The following MNS1 variants were observed in gnomAD, a reference collection of about 807,000 sequenced individuals.
MNS1 encodes the protein meiosis specific nuclear structural 1, also known as meiosis-specific nuclear structural protein 1.
A neutral mutation model predicts 72.0 loss-of-function variants in MNS1; 63 were observed. The observed-to-expected ratio is 0.87, with a 90% CI of 0.71 to 1.08. The LOEUF is 1.08. MNS1 is among the 50% of genes least tolerant of loss of function. The pLI, the probability that MNS1 is intolerant of heterozygous loss-of-function variation, is 0.00. For missense variants in MNS1, 604 were observed against 562.4 expected, an observed-to-expected ratio of 1.07 and a Z score of -0.75; for synonymous variants, 188 against 172.1, an observed-to-expected ratio of 1.09 and a Z score of -0.72.
chr15:56,430,359 A>ACCACATCCAGTTAACTTTT (rs1442964448), intron 9 of MNS1, among the ~76,000 whole-genome samples: 4 of 152,050 alleles, frequency 2.6e-5, no homozygotes, highest in African/African-American at 9.7e-5. Context: ...GGCGTGCATC[A>ACCACATCCAGTTAACTTTT]CCACATCCAG....
At position 56,443,524 on chromosome 15, in the gene MNS1, A is replaced by G. The variant is rs754003986; in HGVS notation, c.917T>C (p.Leu306Ser). The change falls in exon 7 of 10, where the codon TTA (leucine) becomes TCA (serine). Residue 306 changes from leucine (L) to serine (S), a missense_variant. Physicochemically the swap from Leu to Ser is moderately radical, Grantham distance 145. Coordinates refer to ENST00000260453, the MANE Select transcript of MNS1 (RefSeq NM_018365.4). ...TTCACGTTGCCGCAGCATTTCTTCT[A>G]ATTTCTGTGTCAACTATTAAATTTT... ...LQLQNALTQK[L>S]EEMLRQREDL... 2.5e-6 allele frequency: 4 copies of G among 1,594,562 alleles called. No individual in the cohort carries two copies. In the East Asian group the frequency reaches 6.7e-5, roughly 27 times the overall value.
intron 4 of MNS1, chr15:56,445,949 A>G (rs1596264032): frequency 6.6e-6 from 1 of 151,992 alleles, no homozygotes; most frequent in East Asian, 1.9e-4. Flanking sequence ...AAGTCTCTCC[A>G]CCTTTTCTTA....
In MNS1 at chr15:56,465,066, C is replaced by A; in HGVS notation, c.-94G>T. 1 of 1,540,144 alleles carries A rather than the reference C, an allele frequency of 6.5e-7. No homozygotes were observed. Among genetic ancestry groups the A allele is most frequent in the Non-Finnish European group, 8.8e-7 (1 of 1,138,878 alleles). On this transcript the variant is annotated 5_prime_UTR_variant, in exon 1 of 10. Coordinates refer to ENST00000260453, the MANE Select transcript of MNS1 (RefSeq NM_018365.4). ...CAGCAGCCCCAAGGAGCGCACCTGG[C>A]TGCGCGCGCTCGGGTGTTTACGCGG...
intron 3 of MNS1, among the ~76,000 whole-genome samples, chr15:56,452,892 A>G (rs2050957145): frequency 6.6e-6 from 1 of 152,158 alleles, no homozygotes; most frequent in African/African-American, 2.4e-5. Context: ...CCTTCTCAAA[A>G]GCCTAGTTTC....
chr15:56,447,221 A>G (rs2050912340), intron 3 of MNS1: 2 of 223,946 alleles, frequency 8.9e-6, no homozygotes, highest in South Asian at 1.1e-4. Context: ...GTAAATTATA[A>G]TACGTCTACA....
chr15:56,455,266 A>C (rs111895882), intron 3 of MNS1, among the ~76,000 whole-genome samples: 5 of 150,838 alleles, frequency 3.3e-5, no homozygotes, highest in Admixed American at 1.3e-4. Context: ...AAAAAAAAAA[A>C]AAAAACCATG....
At chr15:56,446,972 A>G (rs752846375) in intron 3 of MNS1, 29 bp from the exon 4 acceptor site, 3 of 1,492,260 alleles carry the variant, frequency 2.0e-6, no homozygotes, top group Non-Finnish European at 2.8e-6. Context: ...ACAAATTTAA[A>G]TGTTAGGACC....
intron 2 of MNS1, among the ~76,000 whole-genome samples, chr15:56,459,982 T>G (rs1469231557): frequency 2.6e-5 from 1 of 38,016 alleles, no homozygotes; most frequent in Non-Finnish European, 4.6e-5. Flanking sequence ...AAGAGCGAAA[T>G]TCTGTCTCAA....
intron 8 of MNS1, among the ~76,000 whole-genome samples, chr15:56,433,198 A>T (rs1269986248): frequency 2.8e-5 from 4 of 143,048 alleles, no homozygotes; most frequent in African/African-American, 7.6e-5. Context: ...CACCCATTAA[A>T]GATGGAAGTG....
intron 9 of MNS1, among the ~76,000 whole-genome samples, chr15:56,430,338 C>G (rs1346665374): frequency 6.6e-6 from 1 of 152,172 alleles, no homozygotes; most frequent in East Asian, 1.9e-4. Context: ...TCCAGAGTAT[C>G]TGGGACTACA....
intron 3 of MNS1, among the ~76,000 whole-genome samples, chr15:56,452,813 C>T (rs924183315): frequency 3.3e-5 from 5 of 152,098 alleles, no homozygotes; most frequent in Non-Finnish European, 7.4e-5. Flanking sequence ...CCACCGCACC[C>T]GGCCTAATCC....
intron 2 of MNS1, among the ~76,000 whole-genome samples, chr15:56,461,092 AAAG>A (rs1245569221): frequency 3.3e-5 from 5 of 152,214 alleles, no homozygotes; most frequent in Non-Finnish European, 4.4e-5. Context: ...GTCTTATTCA[AAAG>A]AAGGTCAGTC....
rs1406086419 is a variant in MNS1, at chr15:56,465,046, G to A, written c.-74C>T. The A allele has an allele frequency of 1.3e-6, 2 of 1,576,302 alleles. No homozygotes were observed. The highest frequency in any genetic ancestry group is 1.4e-5 in the African/African-American group (1 of 72,814). Reference sequence around the variant, plus strand: ...CCCGCCGCAAACGCAGCAGCCAGCAGCCCCAAGGAGCGCACCTGGCTGCGC... The same window carrying A: ...CCCGCCGCAAACGCAGCAGCCAGCAACCCCAAGGAGCGCACCTGGCTGCGC... On this transcript the variant is annotated 5_prime_UTR_variant, in exon 1 of 10. Transcript: ENST00000260453.
chr15:56,449,081 C>T (rs138246646), intron 3 of MNS1, among the ~76,000 whole-genome samples: 42 of 152,248 alleles, frequency 2.8e-4, no homozygotes, highest in African/African-American at 9.9e-4. Context: ...GGATGTTCTA[C>T]ACATACAATC....
chr15:56,461,794 G>C (rs781184195), intron 2 of MNS1, among the ~76,000 whole-genome samples: 4 of 151,148 alleles, frequency 2.6e-5, no homozygotes, highest in Non-Finnish European at 4.4e-5. Flanking sequence ...GTCCATAAAG[G>C]TATTTTTAAA....
At position 56,464,249 on chromosome 15, in the gene MNS1, T is replaced by C. The variant is rs1300747054; in HGVS notation, c.4-2A>G. On this transcript the variant is annotated splice_acceptor_variant, in intron 1 of 9. Transcript: ENST00000260453. LOFTEE classifies it high-confidence loss of function. ...GCTCAAATTTCTCCTTTTGGAACCC[T>C]ACGATGGAAGAAAAAAAAAGATGCA... is the stretch of plus-strand genomic sequence containing the variant. 5.7e-6 allele frequency: 9 copies of C among 1,570,844 alleles called. No individual in the cohort carries two copies. The highest frequency in any genetic ancestry group is 7.7e-6 in the Non-Finnish European group (9 of 1,162,680).
Position 56,465,061 on chromosome 15 carries a change from C to T in MNS1, c.-89G>A. On this transcript the variant is annotated 5_prime_UTR_variant, in exon 1 of 10. The change creates a new upstream start codon in the 5' untranslated region. Transcript: ENST00000260453. ...GCAGCCAGCAGCCCCAAGGAGCGCA[C>T]CTGGCTGCGCGCGCTCGGGTGTTTA... The T allele has an allele frequency of 1.9e-6, 3 of 1,545,778 alleles. No individual in the cohort carries two copies.
Position 56,443,099 on chromosome 15 carries a change from T to C in MNS1, c.1011+331A>G, listed in dbSNP as rs1567150809. On this transcript the variant is annotated intron_variant, in intron 7 of 9. Coordinates refer to ENST00000260453, the MANE Select transcript of MNS1 (RefSeq NM_018365.4). ...GTCCTGAAGTTGACTTTGTCTCATATTAACGTAGCAACTCCAACCTACTTT... is the reference window on the plus strand; with the variant it reads ...GTCCTGAAGTTGACTTTGTCTCATACTAACGTAGCAACTCCAACCTACTTT... Among the ~76,000 whole-genome samples, 6 of 152,306 alleles carry C rather than the reference T, an allele frequency of 3.9e-5. 1 individual carries two copies. The South Asian group carries it at 1.0e-3, about 26-fold the overall frequency.
At chr15:56,458,172 ATAAT>A (rs1423326428) in intron 2 of MNS1, among the ~76,000 whole-genome samples, 3 of 152,230 alleles carry the variant, frequency 2.0e-5, no homozygotes, top group Admixed American at 6.5e-5. Flanking sequence ...TTATTTTTTA[ATAAT>A]TGAGATATAA....
Sources: gnomAD v4.1 joint callset for allele counts (sites outside exome capture counted in the v4.1 genomes callset) on GRCh38, gnomAD v4.1.1 for gene constraint, MANE v1.5 for transcripts, NCBI Gene and HGNC (gene_info 2026-07-23, HGNC 2026-07-21) for gene names.